GPC5: variants seen among roughly 807,000 people sequenced by gnomAD.
GPC5 encodes glypican 5, also known as glypican-5.
Under a neutral mutation model 53.9 loss-of-function variants are expected in GPC5, and 47 were observed. That is an observed-to-expected ratio of 0.87 (90% confidence interval 0.69 to 1.11). The LOEUF (loss-of-function observed/expected upper bound fraction) is 1.11, where lower values mean the gene tolerates loss of function less well. GPC5 is among the 50% of genes most tolerant of loss of function. GPC5 has a pLI of 0.00. For synonymous variants in GPC5, 286 were observed against 263.3 expected (o/e 1.09, Z -0.84); for missense variants, 748 against 713.1 (o/e 1.05, Z -0.56).
At chr13:91,545,667 A>G (rs66462124) in intron 2 of GPC5, among the ~76,000 whole-genome samples, 11,401 of 152,070 alleles carry the variant, frequency 0.075, 469 homozygotes, top group Non-Finnish European at 0.089. Context: ...TTGCTTGACT[A>G]AAATTTTTAT....
chr13:91,667,483 CAA>C (rs2035143982), intron 2 of GPC5, among the ~76,000 whole-genome samples: 2 of 152,260 alleles, frequency 1.3e-5, no homozygotes, highest in South Asian at 4.1e-4. Flanking sequence ...ACCAAATTCC[CAA>C]AGTTACTGGT....
chr13:92,515,191 A>G lies in GPC5; in HGVS notation c.1562-351091A>G, dbSNP rs551036501. On this transcript the variant is annotated intron_variant, in intron 7 of 7. Transcript: ENST00000377067. Reference sequence around the variant, plus strand: ...CTCATAATATATATTGAGTGTTTCCACTGTGTCAGGCACCACTAAGCTTAG... The same window carrying G: ...CTCATAATATATATTGAGTGTTTCCGCTGTGTCAGGCACCACTAAGCTTAG... 9.1e-4 allele frequency among the ~76,000 whole-genome samples: 139 copies of G among 152,328 alleles called. 3 individuals carry two copies. Among genetic ancestry groups the G allele is most frequent in the African/African-American group, 3.1e-3 (130 of 41,574 alleles).
At chr13:91,808,158 A>T (rs931453445) in intron 5 of GPC5, among the ~76,000 whole-genome samples, 1 of 152,172 alleles carries the variant, frequency 6.6e-6, no homozygotes, top group Non-Finnish European at 1.5e-5. Context: ...GGCCCATTGT[A>T]AAAGTTTAAA....
At chr13:91,791,490 G>A (rs2037963341) in intron 5 of GPC5, among the ~76,000 whole-genome samples, 2 of 152,136 alleles carry the variant, frequency 1.3e-5, no homozygotes, top group Non-Finnish European at 2.9e-5. Flanking sequence ...TTGCTTGCAT[G>A]GTGGAAATGA....
rs369654538 is a variant in GPC5 at position 91,842,577 on chromosome 13, C to T, written c.1281-65360C>T. ...ATTAGCCGGGCGTGTTGGCGGGCGCCTGTAGTCCCAGCTACTTGGGAGGCT... is the reference window on the plus strand; with the variant it reads ...ATTAGCCGGGCGTGTTGGCGGGCGCTTGTAGTCCCAGCTACTTGGGAGGCT... On this transcript the variant is annotated intron_variant, in intron 5 of 7. Coordinates refer to ENST00000377067, the MANE Select transcript of GPC5 (RefSeq NM_004466.6). 2.0e-5 allele frequency among the ~76,000 whole-genome samples: 3 copies of T among 150,364 alleles called. No individual in the cohort carries two copies. In the South Asian group the frequency reaches 6.5e-4, roughly 32 times the overall value.
intron 2 of GPC5, among the ~76,000 whole-genome samples, chr13:91,523,573 G>T (rs1885939793): frequency 6.6e-6 from 1 of 152,194 alleles, no homozygotes; most frequent in Non-Finnish European, 1.5e-5. Flanking sequence ...CAGGAGCATG[G>T]ATGGGGTTTA....
At chr13:92,670,443 G>T (rs2139204233) in intron 7 of GPC5, among the ~76,000 whole-genome samples, 1 of 152,294 alleles carries the variant, frequency 6.6e-6, no homozygotes, top group Non-Finnish European at 1.5e-5. Context: ...TGCAAAAGTA[G>T]TTTCTCTAAA....
intron 7 of GPC5, among the ~76,000 whole-genome samples, chr13:92,808,397 C>G (rs1481356108): frequency 4.6e-5 from 7 of 152,134 alleles, no homozygotes; most frequent in Middle Eastern, 3.4e-3. Flanking sequence ...GCAGAGAGTT[C>G]TATGCATAGG....
chr13:92,484,594 AC>A (rs1453419939), intron 7 of GPC5: 2 of 152,016 alleles, frequency 1.3e-5, no homozygotes, highest in African/African-American at 4.8e-5. Context: ...GGAATCTTTC[AC>A]CTCCCTTGTT....
At chr13:91,476,580 GT>G (rs1167939416) in intron 2 of GPC5, among the ~76,000 whole-genome samples, 1 of 152,248 alleles carries the variant, frequency 6.6e-6, no homozygotes, top group Admixed American at 6.5e-5. Context: ...TTAGAATTGA[GT>G]TTTCTTCAAT....
rs1566276805 is a variant in GPC5 at position 92,527,176 on chromosome 13, A to AAGAAAG, written c.1562-339104_1562-339099dup. On this transcript the variant is annotated intron_variant, in intron 7 of 7. Coordinates refer to ENST00000377067, the MANE Select transcript of GPC5 (RefSeq NM_004466.6). ...AGAAAGAAAGAAAGAAAGAAAGAGA[A>AAGAAAG]AGAAAGAAGAAAGAAAGAAAGAAAG... 1.2e-4 allele frequency among the ~76,000 whole-genome samples: 10 copies of AAGAAAG among 80,964 alleles called. 1 individual carries two copies. The highest frequency in any genetic ancestry group is 2.0e-4 in the Non-Finnish European group (7 of 35,214). The allele number at this position is 80,964 out of a possible 152,430, so 53.1% of individuals were successfully genotyped here.
chr13:92,018,702 G>A (rs1487341120), intron 6 of GPC5, among the ~76,000 whole-genome samples: 1 of 151,988 alleles, frequency 6.6e-6, no homozygotes, highest in East Asian at 1.9e-4. Context: ...AAATTCTTCA[G>A]TATTTTTAAT....
intron 7 of GPC5, among the ~76,000 whole-genome samples, chr13:92,793,724 T>C (rs1876552872): frequency 6.6e-6 from 1 of 152,028 alleles, no homozygotes; most frequent in South Asian, 2.1e-4. Flanking sequence ...CCCACAGAAA[T>C]ACAAACTACC....
chr13:91,853,646 T>C (rs529526166), intron 5 of GPC5, among the ~76,000 whole-genome samples: 4 of 152,132 alleles, frequency 2.6e-5, no homozygotes, highest in African/African-American at 7.2e-5. Context: ...ATGAGTGTGC[T>C]TTCCAACAAC....
At chr13:91,438,586 C>G (rs188415051) in intron 1 of GPC5, among the ~76,000 whole-genome samples, 1 of 152,148 alleles carries the variant, frequency 6.6e-6, no homozygotes, top group Non-Finnish European at 1.5e-5. Context: ...GTGGTGCCTC[C>G]CAGTTAGGCT....
At chr13:92,581,803 C>T (rs1283583864) in intron 7 of GPC5, among the ~76,000 whole-genome samples, 1 of 152,116 alleles carries the variant, frequency 6.6e-6, no homozygotes, top group Non-Finnish European at 1.5e-5. Flanking sequence ...ATTTGCATTT[C>T]CCTGATGATA....
intron 7 of GPC5, among the ~76,000 whole-genome samples, chr13:92,704,278 T>A (rs7331191): frequency 0.55 from 82,929 of 151,848 alleles, 23,475 homozygotes; most frequent in East Asian, 0.84. Context: ...CAGCCACAGT[T>A]AAGTTTGGTA....
At chr13:92,287,690 C>T (rs1408606670) in intron 7 of GPC5, among the ~76,000 whole-genome samples, 1 of 152,022 alleles carries the variant, frequency 6.6e-6, no homozygotes, top group African/African-American at 2.4e-5. Context: ...TTTCTTGCTG[C>T]TTTCTAGGTT....
chr13:91,696,142 A>G (rs898300610), intron 3 of GPC5, among the ~76,000 whole-genome samples: 1 of 152,206 alleles, frequency 6.6e-6, no homozygotes, highest in Non-Finnish European at 1.5e-5. Flanking sequence ...CCTTATTCTA[A>G]GGAAGGCCCT....
Sources: gnomAD v4.1 joint callset for allele counts (sites outside exome capture counted in the v4.1 genomes callset) on GRCh38, gnomAD v4.1.1 for gene constraint, MANE v1.5 for transcripts, NCBI Gene and HGNC (gene_info 2026-07-23, HGNC 2026-07-21) for gene names.